The following NOX4 variants were observed in gnomAD, a reference collection of about 807,000 sequenced individuals.
The protein encoded by NOX4 is NADPH oxidase 4, also known as kidney oxidase-1.
Under a neutral mutation model 87.6 loss-of-function variants are expected in NOX4, and 69 were observed. The ratio of observed to expected loss-of-function variants is 0.79; its 90% CI spans 0.65 to 0.96. The LOEUF (loss-of-function observed/expected upper bound fraction) is 0.96, where lower values mean the gene tolerates loss of function less well. Among genes scored for constraint, NOX4 ranks in the 40% least tolerant of loss-of-function variants. The pLI, the probability that NOX4 is intolerant of heterozygous loss-of-function variation, is 0.00. For synonymous variants in NOX4, 275 were observed against 238.2 expected (o/e 1.15, Z -1.42); for missense variants, 680 against 681.5 (o/e 1.00, Z 0.02).
intron 14 of NOX4, among the ~76,000 whole-genome samples, chr11:89,340,816 T>C (rs1229614374): frequency 6.6e-6 from 1 of 152,182 alleles, no homozygotes; most frequent in Non-Finnish European, 1.5e-5. Flanking sequence ...AAATAACTTG[T>C]AATGTGTTGT....
intron 2 of NOX4, among the ~76,000 whole-genome samples, chr11:89,460,719 A>C (rs1359045954): frequency 6.6e-6 from 1 of 152,312 alleles, no homozygotes; most frequent in Admixed American, 6.5e-5. Context: ...GGGACTGTAA[A>C]CTAGTTCAAC....
the NOX4 span, among the ~76,000 whole-genome samples, chr11:89,584,524 A>T: frequency 6.6e-6 from 1 of 152,200 alleles, no homozygotes; most frequent in Non-Finnish European, 1.5e-5. Context: ...TGTAGCACAG[A>T]TGATAAATAT....
chr11:89,369,296 G>A (rs867006362), intron 12 of NOX4, among the ~76,000 whole-genome samples: 1 of 152,000 alleles, frequency 6.6e-6, no homozygotes, highest in African/African-American at 2.4e-5. Flanking sequence ...ACAGGGGCTG[G>A]GAGGACATAG....
intron 12 of NOX4, among the ~76,000 whole-genome samples, chr11:89,359,768 A>C (rs1267309509): frequency 6.6e-6 from 1 of 152,002 alleles, no homozygotes; most frequent in Non-Finnish European, 1.5e-5. Context: ...TCCTCTATAA[A>C]AATGAATATT....
At chr11:89,345,454 C>G (rs1284900488) in intron 13 of NOX4, among the ~76,000 whole-genome samples, 2 of 152,154 alleles carry the variant, frequency 1.3e-5, no homozygotes, top group Non-Finnish European at 2.9e-5. Context: ...ACAATATTCT[C>G]TCATGATGCT....
At chr11:89,337,130 C>T (rs1403209453) in intron 16 of NOX4, among the ~76,000 whole-genome samples, 1 of 151,988 alleles carries the variant, frequency 6.6e-6, no homozygotes, top group Non-Finnish European at 1.5e-5. Flanking sequence ...CTCATCTTCT[C>T]TCTCCACATA....
intron 6 of NOX4, among the ~76,000 whole-genome samples, chr11:89,437,901 G>A (rs1011054951): frequency 1.3e-5 from 2 of 151,750 alleles, no homozygotes; most frequent in Admixed American, 6.6e-5. Context: ...ATTATCTCTC[G>A]GTTACTTACA....
intron 11 of NOX4, among the ~76,000 whole-genome samples, chr11:89,378,607 T>C (rs901898180): frequency 9.9e-5 from 15 of 152,100 alleles, no homozygotes; most frequent in South Asian, 4.2e-4. Flanking sequence ...TGAATAAATA[T>C]TATAATATCA....
chr11:89,425,272 C>T (rs543140002), intron 7 of NOX4, among the ~76,000 whole-genome samples: 5 of 151,974 alleles, frequency 3.3e-5, no homozygotes, highest in African/African-American at 1.2e-4. Flanking sequence ...ACCAATTTTT[C>T]ATTCTTATGA....
chr11:89,491,767 A>ACACACACAC (rs879755481), upstream of NOX4, among the ~76,000 whole-genome samples: 90 of 114,624 alleles, frequency 7.9e-4, 3 homozygotes, highest in East Asian at 0.012. Context: ...CACACACACA[A>ACACACACAC]GAAGACACAG....
intron 13 of NOX4, among the ~76,000 whole-genome samples, chr11:89,345,826 C>T (rs933490790): frequency 6.6e-6 from 1 of 151,950 alleles, no homozygotes; most frequent in Non-Finnish European, 1.5e-5. Flanking sequence ...TATGACAAAC[C>T]CACAACCAAC....
intron 8 of NOX4, among the ~76,000 whole-genome samples, chr11:89,417,255 T>C (rs16913217): frequency 0.036 from 5,455 of 152,228 alleles, 323 homozygotes; most frequent in African/African-American, 0.12. Flanking sequence ...CCTCCAATAC[T>C]CTTTTTATCA....
At chr11:89,567,198 G>A in the NOX4 span, among the ~76,000 whole-genome samples, 35 of 152,266 alleles carry the variant, frequency 2.3e-4, no homozygotes, top group African/African-American at 7.9e-4. Flanking sequence ...CATTTGCACT[G>A]CAGCCTGAGA....
At chr11:89,564,305 G>A in the NOX4 span, among the ~76,000 whole-genome samples, 8 of 152,112 alleles carry the variant, frequency 5.3e-5, no homozygotes, top group African/African-American at 7.2e-5. Flanking sequence ...TTACAATCAC[G>A]ATGGAGGGGT....
At chr11:89,377,722 A>G (rs1024684620) in intron 11 of NOX4, among the ~76,000 whole-genome samples, 1 of 152,162 alleles carries the variant, frequency 6.6e-6, no homozygotes, top group Non-Finnish European at 1.5e-5. Context: ...AAAAATCAAA[A>G]ATGATTCCAA....
At chr11:89,531,222 A>G in the NOX4 span, among the ~76,000 whole-genome samples, 6 of 152,202 alleles carry the variant, frequency 3.9e-5, no homozygotes, top group African/African-American at 9.7e-5. Flanking sequence ...ATAAAGATCA[A>G]CATAGCTCTG....
intron 8 of NOX4, among the ~76,000 whole-genome samples, chr11:89,408,572 C>T (rs1337263058): frequency 1.4e-4 from 21 of 152,132 alleles, no homozygotes; most frequent in Non-Finnish European, 8.8e-5. Context: ...TTTACTCCCA[C>T]CCCTACTTTG....
At chr11:89,483,486 A>G (rs1438765256) in intron 2 of NOX4, among the ~76,000 whole-genome samples, 2 of 152,094 alleles carry the variant, frequency 1.3e-5, no homozygotes, top group Non-Finnish European at 2.9e-5. Flanking sequence ...GTTAAGTAAA[A>G]TAAGCCAGGC....
intron 13 of NOX4, among the ~76,000 whole-genome samples, chr11:89,351,771 A>G (rs1946465921): frequency 6.6e-6 from 1 of 152,168 alleles, no homozygotes; most frequent in East Asian, 1.9e-4. Context: ...AGAAAAAAAA[A>G]GAAGATTCTA....
Sources: gnomAD v4.1 joint callset for allele counts (sites outside exome capture counted in the v4.1 genomes callset) on GRCh38, gnomAD v4.1.1 for gene constraint, MANE v1.5 for transcripts, NCBI Gene and HGNC (gene_info 2026-07-23, HGNC 2026-07-21) for gene names.